The following SH3GL3 variants were observed in gnomAD, a reference collection of about 807,000 sequenced individuals.
SH3GL3 encodes the protein SH3 domain containing GRB2 like 3, endophilin A3, also known as endophilin-A3.
A neutral mutation model predicts 47.7 loss-of-function variants in SH3GL3; 33 were observed. The observed-to-expected ratio is 0.69, with a 90% CI of 0.52 to 0.92. The LOEUF is 0.92. Among genes scored for constraint, SH3GL3 ranks in the 40% least tolerant of loss-of-function variants. The pLI, the probability that SH3GL3 is intolerant of heterozygous loss-of-function variation, is 0.00. For missense variants in SH3GL3, 363 were observed against 417.8 expected (o/e 0.87, Z 1.14); for synonymous variants, 155 against 148.8 (o/e 1.04, Z -0.30).
At chr15:83,632,496 A>G in the SH3GL3 span, among the ~76,000 whole-genome samples, 1 of 152,230 alleles carries the variant, frequency 6.6e-6, no homozygotes, top group Non-Finnish European at 1.5e-5. Context: ...AAGAACTGCC[A>G]GAGACTGGAT....
Position 83,576,732 on chromosome 15 carries a change from A to G in SH3GL3, c.615A>G (p.Leu205=), listed in dbSNP as rs1222148001. 1.3e-6 allele frequency: 2 copies of G among 1,599,964 alleles called. No homozygotes were observed. Among genetic ancestry groups the G allele is most frequent in the East Asian group, 4.5e-5 (2 of 44,834 alleles). Residue 205 remains leucine, a synonymous_variant, in exon 6 of 9, where the codon TTA becomes TTG. Transcript: ENST00000427482. ...ELAERSMFNF[L]ENDVEQVSQL... Reference sequence around the variant, plus strand: ...CTGAAAGAAGCATGTTTAACTTTTTAGAAAATGATGTAAGTATTTAAACCA... The same window carrying G: ...CTGAAAGAAGCATGTTTAACTTTTTGGAAAATGATGTAAGTATTTAAACCA...
chr15:83,524,558 A>G (rs1042407176), intron 1 of SH3GL3, among the ~76,000 whole-genome samples: 1 of 152,090 alleles, frequency 6.6e-6, no homozygotes, highest in African/African-American at 2.4e-5. Flanking sequence ...GAAACATACA[A>G]TACATTGTTG....
intron 1 of SH3GL3, among the ~76,000 whole-genome samples, chr15:83,458,456 C>G (rs1021308165): frequency 6.6e-6 from 1 of 152,182 alleles, no homozygotes; most frequent in Non-Finnish European, 1.5e-5. Context: ...CTGGCTACAT[C>G]TTCCTCAGAC....
At chr15:83,542,145 A>G (rs971234355) in intron 1 of SH3GL3, among the ~76,000 whole-genome samples, 2 of 152,158 alleles carry the variant, frequency 1.3e-5, no homozygotes, top group African/African-American at 4.8e-5. Flanking sequence ...TGATTTTTGT[A>G]TATGGTGAGA....
intron 1 of SH3GL3, among the ~76,000 whole-genome samples, chr15:83,545,797 G>A (rs2044364904): frequency 6.6e-6 from 1 of 152,180 alleles, no homozygotes; most frequent in South Asian, 2.1e-4. Context: ...TGCTGCCTCA[G>A]TGGTCTTGGG....
At chr15:83,503,371 G>A (rs963843547) in intron 1 of SH3GL3, among the ~76,000 whole-genome samples, 2 of 151,966 alleles carry the variant, frequency 1.3e-5, no homozygotes, top group Non-Finnish European at 2.9e-5. Flanking sequence ...ATGAGAATAT[G>A]GATCCACATC....
intron 8 of SH3GL3, chr15:83,609,242 T>G: frequency 2.2e-6 from 1 of 456,016 alleles, no homozygotes; most frequent in South Asian, 1.5e-5. Context: ...GCTGTTAATG[T>G]TACATAATCG....
intron 2 of SH3GL3, among the ~76,000 whole-genome samples, chr15:83,561,986 A>C (rs2045296451): frequency 6.6e-6 from 1 of 151,252 alleles, no homozygotes; most frequent in Non-Finnish European, 1.5e-5. Flanking sequence ...GTTTGGCAGG[A>C]TATTTGCATA....
At chr15:83,583,344 T>C (rs924723218) in intron 6 of SH3GL3, among the ~76,000 whole-genome samples, 4 of 152,158 alleles carry the variant, frequency 2.6e-5, no homozygotes, top group Admixed American at 2.6e-4. Context: ...AGGAGGAGGG[T>C]TCCCAGCCCT....
intron 8 of SH3GL3, among the ~76,000 whole-genome samples, chr15:83,606,614 A>G (rs2060523414): frequency 1.3e-5 from 2 of 152,026 alleles, no homozygotes; most frequent in Admixed American, 6.5e-5. Context: ...ATCCATTTCT[A>G]TATATTATAA....
chr15:83,569,796 T>C (rs1468455364), intron 4 of SH3GL3, among the ~76,000 whole-genome samples: 2 of 152,224 alleles, frequency 1.3e-5, no homozygotes, highest in Non-Finnish European at 2.9e-5. Flanking sequence ...TATTTGTGTT[T>C]GTCATTGTTT....
chr15:83,510,290 C>T (rs187295212), intron 1 of SH3GL3, among the ~76,000 whole-genome samples: 4 of 152,126 alleles, frequency 2.6e-5, no homozygotes, highest in Non-Finnish European at 4.4e-5. Flanking sequence ...ATGAATAAAA[C>T]GTCTTTGTTC....
At chr15:83,531,209 C>T (rs940087766) in intron 1 of SH3GL3, among the ~76,000 whole-genome samples, 3 of 152,102 alleles carry the variant, frequency 2.0e-5, no homozygotes, top group East Asian at 3.8e-4. Flanking sequence ...TGAGTAAGAC[C>T]GTAATGAATA....
At chr15:83,557,101 A>T (rs1461146266) in intron 1 of SH3GL3, among the ~76,000 whole-genome samples, 1 of 152,196 alleles carries the variant, frequency 6.6e-6, no homozygotes, top group African/African-American at 2.4e-5. Context: ...AGCGTGGAAA[A>T]ATAGACTTCT....
chr15:83,534,470 G>A (rs1227062534), intron 1 of SH3GL3, among the ~76,000 whole-genome samples: 1 of 152,036 alleles, frequency 6.6e-6, no homozygotes, highest in African/African-American at 2.4e-5. Context: ...TTGTGTCTAT[G>A]TATTTTTAAA....
rs774442124 is a variant in SH3GL3 at position 83,618,055 on chromosome 15, C to T, written c.839-27C>T. Reference sequence around the variant, plus strand: ...GGATAATCCATCATGTTCATCTGTACTTTTTGTCTCCATATCATGTGGACA... The same window carrying T: ...GGATAATCCATCATGTTCATCTGTATTTTTTGTCTCCATATCATGTGGACA... On this transcript the variant is annotated intron_variant, in intron 8 of 8. Transcript: ENST00000427482. 2.2e-5 allele frequency: 32 copies of T among 1,450,138 alleles called. No homozygotes were observed. The Admixed American group carries it at 5.2e-4, about 24-fold the overall frequency. 89.8% of individuals were successfully genotyped at this position (1,450,138 alleles called of 1,614,324 possible).
chr15:83,449,338 G>A (rs780136095), intron 1 of SH3GL3, among the ~76,000 whole-genome samples: 2 of 152,220 alleles, frequency 1.3e-5, no homozygotes, highest in African/African-American at 4.8e-5. Flanking sequence ...GTATTGTGGA[G>A]TGTCCTCAGC....
At chr15:83,555,551 T>C (rs921840263) in intron 1 of SH3GL3, among the ~76,000 whole-genome samples, 14 of 152,198 alleles carry the variant, frequency 9.2e-5, no homozygotes, top group Non-Finnish European at 1.6e-4. Flanking sequence ...TCTGTGGTGA[T>C]ATTGGGGCTA....
intron 1 of SH3GL3, among the ~76,000 whole-genome samples, chr15:83,479,680 AGG>A (rs945835808): frequency 1.2e-4 from 18 of 152,258 alleles, no homozygotes; most frequent in Admixed American, 3.3e-4. Flanking sequence ...GGGGGTAAAA[AGG>A]CCTCCAGACT....
Sources: allele counts gnomAD v4.1 joint callset (sites outside exome capture counted in the v4.1 genomes callset), GRCh38; gene constraint gnomAD v4.1.1; transcripts MANE v1.5; gene names NCBI Gene and HGNC (gene_info 2026-07-23, HGNC 2026-07-21).